Variants in PIP4K2A observed in about 807,000 individuals in gnomAD.
PIP4K2A encodes phosphatidylinositol 5-phosphate 4-kinase type-2 alpha.
In PIP4K2A, 14 loss-of-function variants were observed where a neutral mutation model predicts 42.9. The observed-to-expected ratio is 0.33, with a 90% CI of 0.22 to 0.51. PIP4K2A has a LOEUF of 0.51. Among genes scored for constraint, PIP4K2A ranks in the 20% least tolerant of loss-of-function variants. The probability of loss-of-function intolerance (pLI) is 0.97; values close to 1 mark genes in which losing one functional copy is unlikely to be tolerated. For synonymous variants in PIP4K2A, 192 were observed against 192.2 expected (o/e 1.00, Z 0.01); for missense variants, 434 against 519.8 (o/e 0.83, Z 1.61).
At chr10:22,611,250 C>A (rs905848791) in intron 1 of PIP4K2A, among the ~76,000 whole-genome samples, 3 of 151,862 alleles carry the variant, frequency 2.0e-5, no homozygotes, top group Non-Finnish European at 2.9e-5. Context: ...GTTAGCTGGG[C>A]GTGGTGGTGT....
At chr10:22,615,177 G>A (rs1838146467) in intron 1 of PIP4K2A, among the ~76,000 whole-genome samples, 1 of 152,086 alleles carries the variant, frequency 6.6e-6, no homozygotes, top group Non-Finnish European at 1.5e-5. Context: ...CATGATCATG[G>A]CCAACTGCAG....
intron 4 of PIP4K2A, among the ~76,000 whole-genome samples, chr10:22,583,739 GT>G (rs1170670060): frequency 2.0e-5 from 3 of 152,254 alleles, no homozygotes; most frequent in African/African-American, 7.2e-5. Flanking sequence ...TAAGAGTTCA[GT>G]AAGACTCTCA....
chr10:22,704,549 G>T (rs978060327), intron 1 of PIP4K2A, among the ~76,000 whole-genome samples: 4 of 151,628 alleles, frequency 2.6e-5, no homozygotes, highest in African/African-American at 7.3e-5. Context: ...CCAGCACTTA[G>T]GGAGTCTGAA....
At chr10:22,583,415 T>A (rs7082472) in intron 4 of PIP4K2A, among the ~76,000 whole-genome samples, 148,087 of 152,268 alleles carry the variant, frequency 0.97, 72,036 homozygotes, top group East Asian at 1. Flanking sequence ...GGGGAGCTGA[T>A]CATTTGGGCA....
At chr10:22,672,452 T>C (rs1839474230) in intron 1 of PIP4K2A, among the ~76,000 whole-genome samples, 1 of 152,216 alleles carries the variant, frequency 6.6e-6, no homozygotes, top group Non-Finnish European at 1.5e-5. Flanking sequence ...CACTTCAGTT[T>C]CTGATATGTG....
chr10:22,678,850 T>C (rs1839610473), intron 1 of PIP4K2A, among the ~76,000 whole-genome samples: 1 of 152,252 alleles, frequency 6.6e-6, no homozygotes, highest in African/African-American at 2.4e-5. Context: ...AATGGTTGAA[T>C]ACATTAAGGT....
intron 4 of PIP4K2A, among the ~76,000 whole-genome samples, chr10:22,586,086 T>C (rs1377229529): frequency 6.6e-6 from 1 of 152,252 alleles, no homozygotes; most frequent in Admixed American, 6.5e-5. Flanking sequence ...CTGATAATCA[T>C]CATTTATAGG....
At chr10:22,569,698 C>A (rs954720531) in intron 5 of PIP4K2A, among the ~76,000 whole-genome samples, 22 of 152,180 alleles carry the variant, frequency 1.4e-4, no homozygotes, top group African/African-American at 4.8e-4. Context: ...TGTGTTTCCT[C>A]TCCTACAATA....
intron 1 of PIP4K2A, among the ~76,000 whole-genome samples, chr10:22,658,926 A>C (rs1345307387): frequency 6.6e-6 from 1 of 152,212 alleles, no homozygotes; most frequent in Admixed American, 6.5e-5. Flanking sequence ...AGCTTTACAC[A>C]TCTTTCTGAT....
At chr10:22,597,652 TA>T (rs1417442429) in intron 3 of PIP4K2A, among the ~76,000 whole-genome samples, 4 of 150,380 alleles carry the variant, frequency 2.7e-5, no homozygotes, top group African/African-American at 9.8e-5. Flanking sequence ...CTGGGAGGAT[TA>T]AAAAAAACGA....
chr10:22,541,560 A>G (rs577266522), intron 8 of PIP4K2A, among the ~76,000 whole-genome samples: 5 of 152,306 alleles, frequency 3.3e-5, no homozygotes, highest in African/African-American at 9.6e-5. Flanking sequence ...TGTATAGTAT[A>G]GTTCGTGGTT....
At chr10:22,657,981 C>T (rs927456932) in intron 1 of PIP4K2A, among the ~76,000 whole-genome samples, 2 of 152,048 alleles carry the variant, frequency 1.3e-5, no homozygotes, top group South Asian at 4.1e-4. Flanking sequence ...AGGCTAGAAA[C>T]CCTACTGAGA....
chr10:22,686,362 G>A (rs1839764567), intron 1 of PIP4K2A, among the ~76,000 whole-genome samples: 1 of 152,142 alleles, frequency 6.6e-6, no homozygotes, highest in African/African-American at 2.4e-5. Flanking sequence ...TCCTTTCAGG[G>A]TTCTGAAAAC....
intron 6 of PIP4K2A, among the ~76,000 whole-genome samples, chr10:22,560,045 A>T (rs1199118193): frequency 6.6e-6 from 1 of 152,200 alleles, no homozygotes; most frequent in Non-Finnish European, 1.5e-5. Context: ...CTGAGAAAGA[A>T]GCCCTGCTTC....
chr10:22,664,152 CACATAT>C (rs1169744729), intron 1 of PIP4K2A, among the ~76,000 whole-genome samples: 11 of 20,866 alleles, frequency 5.3e-4, no homozygotes, highest in African/African-American at 2.4e-3. Context: ...CATATATATA[CACATAT>C]ATATATATAC....
chr10:22,658,909 A>C (rs1839152213), intron 1 of PIP4K2A, among the ~76,000 whole-genome samples: 1 of 152,260 alleles, frequency 6.6e-6, no homozygotes, highest in Non-Finnish European at 1.5e-5. Flanking sequence ...CAGATGACAA[A>C]GCCTGGAGCT....
intron 1 of PIP4K2A, among the ~76,000 whole-genome samples, chr10:22,689,201 C>T (rs577885973): frequency 2.0e-5 from 3 of 152,132 alleles, no homozygotes; most frequent in African/African-American, 7.2e-5. Flanking sequence ...CTCTCTTCTC[C>T]TTGGGAGCAA....
chr10:22,599,625 C>T (rs1837709344), intron 3 of PIP4K2A, among the ~76,000 whole-genome samples: 1 of 152,240 alleles, frequency 6.6e-6, no homozygotes, highest in South Asian at 2.1e-4. Flanking sequence ...GAAAAACGAA[C>T]AGTTGGACAA....
At chr10:22,567,521 C>A in intron 6 of PIP4K2A, 3 of 534,884 alleles carry the variant, frequency 5.6e-6, no homozygotes, top group Non-Finnish European at 1.1e-5. Flanking sequence ...TTCCCTGACC[C>A]GCAGGAACGC....
Sources: gnomAD v4.1 joint callset for allele counts (sites outside exome capture counted in the v4.1 genomes callset) on GRCh38, gnomAD v4.1.1 for gene constraint, MANE v1.5 for transcripts, NCBI Gene and HGNC (gene_info 2026-07-23, HGNC 2026-07-21) for gene names.